Variants in GPC5 observed in about 807,000 individuals in gnomAD.
The protein encoded by GPC5 is glypican-5.
GPC5 carries 47 observed loss-of-function variants against 53.9 expected under a neutral mutation model. That is an observed-to-expected ratio of 0.87 (90% CI 0.69 to 1.11). The LOEUF (loss-of-function observed/expected upper bound fraction) is 1.11. Ranked by LOEUF, GPC5 falls within the 50% of genes most tolerant of loss-of-function variation. The probability of loss-of-function intolerance (pLI) is 0.00; values close to 1 mark genes in which losing one functional copy is unlikely to be tolerated. For synonymous variants in GPC5, 286 were observed against 263.3 expected, an observed-to-expected ratio of 1.09 and a Z score of -0.84; for missense variants, 748 against 713.1, an observed-to-expected ratio of 1.05 and a Z score of -0.56.
intron 6 of GPC5, among the ~76,000 whole-genome samples, chr13:91,950,491 G>C (rs980328915): frequency 2.0e-5 from 3 of 151,910 alleles, no homozygotes; most frequent in African/African-American, 4.8e-5. Context: ...TAAGCACTTG[G>C]CTCAGAATGA....
intron 6 of GPC5, among the ~76,000 whole-genome samples, chr13:91,983,209 A>G (rs1392825120): frequency 6.6e-6 from 1 of 152,048 alleles, no homozygotes; most frequent in East Asian, 1.9e-4. Context: ...AGCCGGGCGT[A>G]CTGGCGGGCG....
chr13:92,271,925 G>A (rs1245897118), intron 7 of GPC5, among the ~76,000 whole-genome samples: 2 of 152,144 alleles, frequency 1.3e-5, no homozygotes, highest in Admixed American at 1.3e-4. Context: ...TTAAGCATAA[G>A]TAAAAAAATA....
At chr13:91,860,105 A>G (rs1229260980) in intron 5 of GPC5, among the ~76,000 whole-genome samples, 14 of 152,160 alleles carry the variant, frequency 9.2e-5, no homozygotes, top group Admixed American at 3.9e-4. Flanking sequence ...ATTTGAAACT[A>G]TATAATATAT....
chr13:92,454,716 C>A (rs754533918), intron 7 of GPC5, among the ~76,000 whole-genome samples: 1 of 152,112 alleles, frequency 6.6e-6, no homozygotes, highest in Non-Finnish European at 1.5e-5. Context: ...AAGATGGAGC[C>A]TTTGTCCTCA....
chr13:92,561,305 T>C (rs1882687411), intron 7 of GPC5, among the ~76,000 whole-genome samples: 1 of 151,948 alleles, frequency 6.6e-6, no homozygotes, highest in African/African-American at 2.4e-5. Flanking sequence ...TAATTAAAGG[T>C]TTTGTAATTT....
chr13:92,083,223 C>T (rs2041310280), intron 6 of GPC5, among the ~76,000 whole-genome samples: 2 of 152,158 alleles, frequency 1.3e-5, no homozygotes, highest in South Asian at 4.1e-4. Context: ...GCTTTGTCTG[C>T]TCAATTTCTT....
At chr13:91,614,539 C>T (rs1348047794) in intron 2 of GPC5, among the ~76,000 whole-genome samples, 1 of 152,078 alleles carries the variant, frequency 6.6e-6, no homozygotes, top group Non-Finnish European at 1.5e-5. Flanking sequence ...CCTATATTGC[C>T]CAGGCTGGTC....
At chr13:91,737,094 A>G (rs2036833081) in intron 4 of GPC5, among the ~76,000 whole-genome samples, 1 of 151,152 alleles carries the variant, frequency 6.6e-6, no homozygotes, top group Non-Finnish European at 1.5e-5. Context: ...ACAGAGCGAG[A>G]CTCCGTCTCA....
At chr13:91,650,750 G>GTTTTTGTGTTTTTTTTTTTTTTTT in intron 2 of GPC5, among the ~76,000 whole-genome samples, 1 of 99,602 alleles carries the variant, frequency 1.0e-5, no homozygotes, top group Non-Finnish European at 2.0e-5. Flanking sequence ...ATTCCCATAA[G>GTTTTTGTGTTTTTTTTTTTTTTTT]TTTTTTTTTT....
intron 7 of GPC5, among the ~76,000 whole-genome samples, chr13:92,272,193 T>C (rs917738458): frequency 6.6e-6 from 1 of 152,176 alleles, no homozygotes; most frequent in Admixed American, 6.5e-5. Flanking sequence ...TAGTTGATCC[T>C]AATATACCCT....
At chr13:91,964,316 C>T (rs756620502) in intron 6 of GPC5, among the ~76,000 whole-genome samples, 2 of 152,106 alleles carry the variant, frequency 1.3e-5, no homozygotes, top group East Asian at 1.9e-4. Flanking sequence ...GTGTGGGCTC[C>T]GTGGCCTGCT....
intron 7 of GPC5, among the ~76,000 whole-genome samples, chr13:92,478,110 C>G (rs192759067): frequency 6.6e-6 from 1 of 152,186 alleles, no homozygotes; most frequent in East Asian, 1.9e-4. Context: ...TGAGTCATCC[C>G]CATGATCACG....
chr13:92,136,161 T>C (rs944716384), intron 6 of GPC5, among the ~76,000 whole-genome samples: 3 of 152,142 alleles, frequency 2.0e-5, no homozygotes, highest in African/African-American at 7.2e-5. Context: ...AATTGAAATA[T>C]GTTGTAGAGA....
intron 7 of GPC5, among the ~76,000 whole-genome samples, chr13:92,166,958 A>T (rs1028237088): frequency 0.068 from 4,444 of 64,984 alleles, 139 homozygotes; most frequent in African/African-American, 0.13. Context: ...TCTCTCTCTC[A>T]CACACACACA....
chr13:92,174,102 G>A (rs1323726128), intron 7 of GPC5, among the ~76,000 whole-genome samples: 5 of 151,922 alleles, frequency 3.3e-5, no homozygotes, highest in South Asian at 4.2e-4. Flanking sequence ...GAGAGACCCC[G>A]TCAAAAAGAA....
At chr13:91,482,633 C>T (rs1031061681) in intron 2 of GPC5, among the ~76,000 whole-genome samples, 4 of 152,154 alleles carry the variant, frequency 2.6e-5, no homozygotes, top group South Asian at 2.1e-4. Context: ...GCAGGAGAAC[C>T]AGTGCCTTAG....
chr13:92,015,404 A>G (rs2040697858), intron 6 of GPC5, among the ~76,000 whole-genome samples: 1 of 152,156 alleles, frequency 6.6e-6, no homozygotes, highest in African/African-American at 2.4e-5. Flanking sequence ...CACTAAATAT[A>G]TTTATTGTGG....
intron 6 of GPC5, among the ~76,000 whole-genome samples, chr13:92,117,719 T>C (rs1457379679): frequency 6.6e-6 from 1 of 152,206 alleles, no homozygotes; most frequent in Non-Finnish European, 1.5e-5. Context: ...ATAAACACTT[T>C]ATTTTTTGTC....
At chr13:92,621,754 G>T (rs1884877343) in intron 7 of GPC5, among the ~76,000 whole-genome samples, 1 of 152,018 alleles carries the variant, frequency 6.6e-6, no homozygotes, top group Non-Finnish European at 1.5e-5. Flanking sequence ...AGGATGCCGA[G>T]GTTGCAGTGA....
Sources: gnomAD v4.1 joint callset for allele counts (sites outside exome capture counted in the v4.1 genomes callset) on GRCh38, gnomAD v4.1.1 for gene constraint, MANE v1.5 for transcripts, NCBI Gene and HGNC (gene_info 2026-07-23, HGNC 2026-07-21) for gene names.